Variants in AGL observed in about 807,000 individuals in gnomAD.
AGL encodes amylo-alpha-1,6-glucosidase and 4-alpha-glucanotransferase.
In AGL, 128 loss-of-function variants were observed where a neutral mutation model predicts 199.3. That is an observed-to-expected ratio of 0.64 (90% CI 0.56 to 0.74). The LOEUF (loss-of-function observed/expected upper bound fraction) is 0.74, where lower values mean the gene tolerates loss of function less well. AGL is among the 30% of genes least tolerant of loss of function. AGL has a pLI of 0.00. For missense variants in AGL, 1,809 were observed against 1,820.8 expected, an observed-to-expected ratio of 0.99 and a Z score of 0.12; for synonymous variants, 584 against 594.7, an observed-to-expected ratio of 0.98 and a Z score of 0.26.
upstream of AGL, among the ~76,000 whole-genome samples, chr1:99,849,704 C>T (rs1274683342): frequency 6.6e-6 from 1 of 152,176 alleles, no homozygotes; most frequent in East Asian, 1.9e-4. Flanking sequence ...TTATTTTAGA[C>T]ACTTAGAAAT....
chr1:99,881,898 T>C (rs1339412697), intron 17 of AGL, among the ~76,000 whole-genome samples: 3 of 151,994 alleles, frequency 2.0e-5, no homozygotes, highest in African/African-American at 4.8e-5. Flanking sequence ...CTCAGGAGGC[T>C]GAGGCAGGCA....
intron 21 of AGL, among the ~76,000 whole-genome samples, chr1:99,888,887 T>C (rs1175444856): frequency 6.6e-6 from 1 of 152,204 alleles, no homozygotes; most frequent in Non-Finnish European, 1.5e-5. Flanking sequence ...TTTACAGTAA[T>C]TTCTTTGTCC....
chr1:99,909,975 T>G (rs1246481419), intron 27 of AGL, among the ~76,000 whole-genome samples: 2 of 152,234 alleles, frequency 1.3e-5, no homozygotes, highest in East Asian at 3.8e-4. Flanking sequence ...GTTTTGAGAT[T>G]ATACACAGAT....
intron 21 of AGL, among the ~76,000 whole-genome samples, chr1:99,889,527 C>G (rs1419275433): frequency 6.6e-6 from 1 of 152,136 alleles, no homozygotes; most frequent in Non-Finnish European, 1.5e-5. Context: ...CTGCAGTGAA[C>G]TATGATCATG....
chr1:99,880,046 G>A lies in AGL; in HGVS notation c.1735G>A (p.Glu579Lys). 6.2e-7 allele frequency: 1 copy of A among 1,613,322 alleles called. No homozygotes were observed. Among genetic ancestry groups the A allele is most frequent in the African/African-American group, 1.3e-5 (1 of 74,998 alleles). Reference protein sequence around the residue: ...TRLGISSLIREAMSAYNSHEE... With the variant: ...TRLGISSLIRKAMSAYNSHEE... ...ACTGGGCATTAGTTCCTTAATAAGA[G>A]GTAGGCTTGTTGGAGTGTATTTCCC... Residue 579 changes from glutamate (E) to lysine (K), a missense_variant and splice_region_variant, in exon 13 of 34, where the codon GAG (glutamate) becomes AAG (lysine). Physicochemically the swap from Glu to Lys is moderately conservative, Grantham distance 56. Transcript: ENST00000361915.
rs546726309 is a variant in AGL at position 99,874,557 on chromosome 1, G to A, written c.959-130G>A. On this transcript the variant is annotated intron_variant, in intron 7 of 33. Transcript: ENST00000361915. The stretch of plus-strand genomic sequence containing the variant: ...AGGATGAGAAGGGGAGGAGGTAGGA[G>A]GATACCTGTGAAATAAATATTTGTT... The A allele has an allele frequency of 9.9e-6, 9 of 911,448 alleles. No individual in the cohort carries two copies. In the East Asian group the frequency reaches 1.3e-4, roughly 14 times the overall value. The allele number at this position is 911,448 out of a possible 1,614,324, so 56.5% of individuals were successfully genotyped here.
intron 30 of AGL, 117 bp downstream of exon 30, chr1:99,913,855 T>C (rs1347610998): frequency 3.1e-6 from 3 of 961,126 alleles, no homozygotes; most frequent in Non-Finnish European, 5.0e-6. Context: ...TATTGCTTAC[T>C]AGCTAGTTTT....
intron 7 of AGL, among the ~76,000 whole-genome samples, chr1:99,871,794 A>G (rs1024088553): frequency 1.3e-5 from 2 of 152,174 alleles, no homozygotes; most frequent in African/African-American, 4.8e-5. Flanking sequence ...ATTTACATGA[A>G]ATAATATGTG....
At chr1:99,859,993 A>C (rs56731073) in intron 2 of AGL, among the ~76,000 whole-genome samples, 19,418 of 152,202 alleles carry the variant, frequency 0.13, 1,362 homozygotes, top group Middle Eastern at 0.17. Flanking sequence ...AAATATCCTT[A>C]TACATAATCT....
chr1:99,852,034 T>C (rs921320332), intron 2 of AGL, among the ~76,000 whole-genome samples: 6 of 152,200 alleles, frequency 3.9e-5, no homozygotes, highest in African/African-American at 7.2e-5. Context: ...TTTGATTTTT[T>C]TTTCCCCCTC....
chr1:99,916,757 C>T (rs368209885), intron 33 of AGL, 26 bp downstream of exon 33: 63 of 1,607,750 alleles, frequency 3.9e-5, no homozygotes, highest in Non-Finnish European at 4.4e-5. Context: ...CATGTAATTT[C>T]CATAACTAGT....
At chr1:99,910,516 T>C (rs1023932960) in intron 27 of AGL, among the ~76,000 whole-genome samples, 196 bp from the exon 28 acceptor site, 3 of 152,168 alleles carry the variant, frequency 2.0e-5, no homozygotes, top group Non-Finnish European at 4.4e-5. Flanking sequence ...ATGAAATTCC[T>C]ATGTGGTAGA....
At chr1:99,887,022 T>G (rs1216143549) in intron 20 of AGL, among the ~76,000 whole-genome samples, 1 of 152,136 alleles carries the variant, frequency 6.6e-6, no homozygotes, top group Admixed American at 6.6e-5. Context: ...TGTCCTAGAA[T>G]GGAGTTGATA....
rs1236655933 is a variant in AGL, at chr1:99,900,781, A to G, written c.3508A>G (p.Asn1170Asp). Residue 1170 changes from asparagine (N) to aspartate (D), a missense_variant, in exon 26 of 34, where the codon AAT (asparagine) becomes GAT (aspartate). Asn to Asp is a conservative substitution (Grantham distance 23, BLOSUM62 1). Coordinates refer to ENST00000361915, the MANE Select transcript of AGL (RefSeq NM_000642.3). ...CCAGGATTACTGTAAAATGGTTCCA[A>G]ATGGTCTAGACATTCTCAAGTGCCC... is the stretch of plus-strand genomic sequence containing the variant. Reference protein sequence around the residue: ...CIQDYCKMVPNGLDILKCPVS... With the variant: ...CIQDYCKMVPDGLDILKCPVS... 11 of 1,614,010 alleles carry G rather than the reference A, an allele frequency of 6.8e-6. No individual in the cohort carries two copies. Among genetic ancestry groups the G allele is most frequent in the South Asian group, 2.2e-5 (2 of 91,090 alleles).
rs750507211 is a variant in AGL at position 99,902,786 on chromosome 1, A to G, written c.3692A>G (p.Lys1231Arg). The change falls in exon 27 of 34, where the codon AAG becomes AGG. Residue 1231 changes from lysine to arginine, a missense_variant. By Grantham distance (26) the Lys-to-Arg change is conservative. Transcript: ENST00000361915. ...NAGPQIDRNM[K>R]DEGFNITAGV... is the part of the protein sequence containing the mutation. ...GGTCCCCAGATAGATCGAAACATGA[A>G]GGACGAAGGTACAGAACTTTAACTA... 10 of 1,610,958 alleles carry G rather than the reference A, an allele frequency of 6.2e-6. No individual in the cohort carries two copies. In the South Asian group the frequency reaches 9.9e-5, roughly 16 times the overall value.
chr1:99,868,320 TA>T (rs1346539418), intron 5 of AGL, among the ~76,000 whole-genome samples: 4 of 152,146 alleles, frequency 2.6e-5, no homozygotes, highest in Admixed American at 2.6e-4. Flanking sequence ...TTTGCTATTT[TA>T]AAAATTGGGG....
chr1:99,892,500 G>A lies in AGL; in HGVS notation c.3152G>A (p.Gly1051Glu), dbSNP rs1380456629. Residue 1051 changes from glycine (G) to glutamate (E), a missense_variant, in exon 24 of 34, where the codon GGA becomes GAA. Coordinates refer to ENST00000361915, the MANE Select transcript of AGL (RefSeq NM_000642.3). ...GGTTCAGTTCAACTGTGTGGAGTAG[G>A]AAAATTCCCTTCCCTGCCAATTCTT... ...SLGSVQLCGV[G>E]KFPSLPILSP... is the part of the protein sequence containing the mutation. The A allele has an allele frequency of 6.2e-7, 1 of 1,613,606 alleles. No homozygotes were observed. The highest frequency in any genetic ancestry group is 1.1e-5 in the South Asian group (1 of 91,056).
At chr1:99,912,366 C>T (rs201046849) in intron 28 of AGL, 39 bp from the exon 29 acceptor site, 60 of 1,519,906 alleles carry the variant, frequency 3.9e-5, no homozygotes, top group East Asian at 9.0e-5. Context: ...ACTTAAAGGA[C>T]GCCAACTTAA....
intron 7 of AGL, among the ~76,000 whole-genome samples, chr1:99,871,436 T>G: frequency 1.6e-5 from 2 of 128,100 alleles, no homozygotes; most frequent in Non-Finnish European, 3.3e-5. Context: ...CAAAATAGGG[T>G]AGGAAAAAAT....
Sources: allele counts gnomAD v4.1 joint callset (sites outside exome capture counted in the v4.1 genomes callset), GRCh38; gene constraint gnomAD v4.1.1; transcripts MANE v1.5; gene names NCBI Gene and HGNC (gene_info 2026-07-23, HGNC 2026-07-21).